The following GIMD1 variants were observed in gnomAD, a reference collection of about 807,000 sequenced individuals.
GIMD1 encodes the protein GTPase IMAP family member GIMD1.
A neutral mutation model predicts 14.9 loss-of-function variants in GIMD1; 14 were observed. The observed-to-expected ratio is 0.94, with a 90% CI of 0.62 to 1.47. The LOEUF is 1.47. Ranked by LOEUF, GIMD1 falls within the 40% of genes most tolerant of loss-of-function variation. The probability of loss-of-function intolerance (pLI) is 0.00; values close to 1 mark genes in which losing one functional copy is unlikely to be tolerated. For missense variants in GIMD1, 272 were observed against 255.3 expected, an observed-to-expected ratio of 1.07 and a Z score of -0.44; for synonymous variants, 91 against 90.5, an observed-to-expected ratio of 1.01 and a Z score of -0.03.
chr4:106,358,403 A>G lies in GIMD1; in HGVS notation c.434T>C (p.Leu145Pro). ...TTCTATTTTTTCTGCATGGGTAAAA[A>G]GAATGGCTGTGTAATTCATCCAAGC... ...GHAWMNYTAI[L>P]FTHAEKIEEA... The change falls in exon 3 of 3, where the codon CTT becomes CCT. Residue 145 changes from leucine (L) to proline (P), a missense_variant. Coordinates refer to ENST00000638719, the MANE Select transcript of GIMD1 (RefSeq NM_001195138.2). 6.6e-7 allele frequency: 1 copy of G among 1,526,170 alleles called. No homozygotes were observed. The highest frequency in any genetic ancestry group is 1.4e-5 in the African/African-American group (1 of 72,252). 94.5% of individuals were successfully genotyped at this position (1,526,170 alleles called of 1,614,324 possible). A position where few individuals can be genotyped will look rare whatever the true frequency, so the allele number is the denominator to read the frequency against.
intron 2 of GIMD1, among the ~76,000 whole-genome samples, chr4:106,360,476 T>C (rs966512795): frequency 6.6e-6 from 1 of 152,038 alleles, no homozygotes; most frequent in Non-Finnish European, 1.5e-5. Context: ...TAGAGTTTGT[T>C]GTATATTCTG....
At chr4:106,363,557 G>C (rs1328579994) in intron 2 of GIMD1, among the ~76,000 whole-genome samples, 1 of 152,022 alleles carries the variant, frequency 6.6e-6, no homozygotes, top group Non-Finnish European at 1.5e-5. Flanking sequence ...GCACAATGCT[G>C]AGCATGATGT....
chr4:106,357,974 G>A lies in GIMD1; in HGVS notation c.*209C>T, dbSNP rs1023555571. The A allele has an allele frequency of 1.6e-5, 7 of 450,966 alleles. No individual in the cohort carries two copies. Among genetic ancestry groups the A allele is most frequent in the Non-Finnish European group, 2.8e-5 (7 of 253,234 alleles). 27.9% of individuals were successfully genotyped at this position (450,966 alleles called of 1,614,324 possible). A position where few individuals can be genotyped will look rare whatever the true frequency, so the allele number is the denominator to read the frequency against. ...TTATGTTGGGTATACACTTAGGAGT[G>A]TAATTGCTATGTCATGGGATTTGCA... is the stretch of plus-strand genomic sequence containing the variant. On this transcript the variant is annotated 3_prime_UTR_variant, in exon 3 of 3. Coordinates refer to ENST00000638719, the MANE Select transcript of GIMD1 (RefSeq NM_001195138.2).
At chr4:106,363,888 G>T (rs60364855) in intron 2 of GIMD1, among the ~76,000 whole-genome samples, 7 of 140,522 alleles carry the variant, frequency 5.0e-5, no homozygotes, top group Admixed American at 7.2e-5. Flanking sequence ...CATAATGGGG[G>T]GGGGGGGGCG....
chr4:106,360,229 C>A (rs1316453182), intron 2 of GIMD1, among the ~76,000 whole-genome samples: 2 of 151,708 alleles, frequency 1.3e-5, no homozygotes. Flanking sequence ...GGAATAGGCC[C>A]AAACTTTTTC....
chr4:106,366,414 A>G (rs955289763), intron 2 of GIMD1, among the ~76,000 whole-genome samples: 2 of 152,086 alleles, frequency 1.3e-5, no homozygotes, highest in African/African-American at 4.8e-5. Flanking sequence ...TGTCTCATTT[A>G]CCAGTAATTA....
At chr4:106,361,310 G>C (rs1770609990) in intron 2 of GIMD1, among the ~76,000 whole-genome samples, 1 of 151,976 alleles carries the variant, frequency 6.6e-6, no homozygotes, top group Non-Finnish European at 1.5e-5. Context: ...TGTTTCAATT[G>C]CAAGTGTGAT....
Position 106,357,852 on chromosome 4 carries a change from T to G in GIMD1, c.*331A>C. The G allele has an allele frequency of 5.9e-6, 1 of 169,046 alleles. No individual in the cohort carries two copies. Among genetic ancestry groups the G allele is most frequent in the Non-Finnish European group, 1.3e-5 (1 of 78,740 alleles). 10.5% of individuals were successfully genotyped at this position (169,046 alleles called of 1,614,324 possible). A position where few individuals can be genotyped will look rare whatever the true frequency, so the allele number is the denominator to read the frequency against. Reference sequence around the variant, plus strand: ...ACAATTTACTTAACCATTCTAATATTAATAGACATTTGAATAGTCTGTATG... The same window carrying G: ...ACAATTTACTTAACCATTCTAATATGAATAGACATTTGAATAGTCTGTATG... On this transcript the variant is annotated 3_prime_UTR_variant, in exon 3 of 3. Transcript: ENST00000638719.
intron 2 of GIMD1, among the ~76,000 whole-genome samples, chr4:106,362,506 G>T (rs998596352): frequency 2.2e-4 from 34 of 152,146 alleles, no homozygotes; most frequent in Non-Finnish European, 4.3e-4. Context: ...GTGCTAATGG[G>T]TATGAGTCCA....
At chr4:106,368,363 G>A (rs888888986) in intron 1 of GIMD1, among the ~76,000 whole-genome samples, 13 of 152,038 alleles carry the variant, frequency 8.6e-5, no homozygotes, top group African/African-American at 2.9e-4. Context: ...AACTGCCCAC[G>A]CTACCAATTC....
chr4:106,367,622 AT>A (rs899254362), intron 1 of GIMD1, among the ~76,000 whole-genome samples, 185 bp from the exon 2 acceptor site: 2 of 152,172 alleles, frequency 1.3e-5, no homozygotes, highest in Non-Finnish European at 2.9e-5. Context: ...ACAGAAGGGA[AT>A]GTGGAATAAT....
At chr4:106,367,776 T>C (rs1770727325) in intron 1 of GIMD1, among the ~76,000 whole-genome samples, 1 of 152,148 alleles carries the variant, frequency 6.6e-6, no homozygotes, top group Admixed American at 6.5e-5. Context: ...GTAGGTGAGT[T>C]GGTTTAGGAA....
intron 1 of GIMD1, among the ~76,000 whole-genome samples, chr4:106,367,752 A>G (rs1934460726): frequency 1.3e-5 from 2 of 152,342 alleles, no homozygotes; most frequent in South Asian, 4.1e-4. Context: ...GAAATATGTT[A>G]ACTCATCAAT....
In GIMD1 at chr4:106,357,649, A is replaced by C. The variant is rs1008447198; in HGVS notation, c.*534T>G. On this transcript the variant is annotated 3_prime_UTR_variant, in exon 3 of 3. Transcript: ENST00000638719. Reference sequence around the variant, plus strand: ...AGCACTTCTACCATCAGAGTAGTTTAGATTACATTTGTTTTACTGTTTTTG... The same window carrying C: ...AGCACTTCTACCATCAGAGTAGTTTCGATTACATTTGTTTTACTGTTTTTG... The C allele has an allele frequency of 1.3e-5, 2 of 152,242 alleles. No individual in the cohort carries two copies. Among genetic ancestry groups the C allele is most frequent in the African/African-American group, 4.8e-5 (2 of 41,432 alleles). The allele number at this position is 152,242 out of a possible 1,614,324, so 9.4% of individuals were successfully genotyped here. A position where few individuals can be genotyped will look rare whatever the true frequency, so the allele number is the denominator to read the frequency against.
intron 2 of GIMD1, among the ~76,000 whole-genome samples, chr4:106,358,965 G>T (rs1770575754): frequency 6.6e-6 from 1 of 151,912 alleles, no homozygotes; most frequent in South Asian, 2.1e-4. Context: ...TACATTTGGT[G>T]ATTTGGACGA....
In GIMD1 at chr4:106,368,557, C is replaced by G. The variant is rs576661595; in HGVS notation, c.-3+153G>C. 3.9e-5 allele frequency among the ~76,000 whole-genome samples: 6 copies of G among 152,258 alleles called. No homozygotes were observed. In the South Asian group the frequency reaches 8.3e-4, roughly 21 times the overall value. ...CCTCCATAAAAAGACACTCATTTTG[C>G]GGGTCCCTCCAGTTCACACCAGCTC... On this transcript the variant is annotated intron_variant, in intron 1 of 2. Transcript: ENST00000638719.
intron 2 of GIMD1, among the ~76,000 whole-genome samples, chr4:106,360,061 T>A (rs73839454): frequency 0.018 from 2,781 of 152,112 alleles, 83 homozygotes; most frequent in African/African-American, 0.061. Context: ...TAGACCCTCA[T>A]TGTCATCTCA....
intron 2 of GIMD1, among the ~76,000 whole-genome samples, chr4:106,362,374 G>GA (rs1327153215): frequency 3.3e-5 from 5 of 152,014 alleles, no homozygotes; most frequent in African/African-American, 1.2e-4. Context: ...ACAGTTGATT[G>GA]ATACCTCACA....
At chr4:106,359,247 T>C (rs1161681982) in intron 2 of GIMD1, among the ~76,000 whole-genome samples, 1 of 151,958 alleles carries the variant, frequency 6.6e-6, no homozygotes, top group Non-Finnish European at 1.5e-5. Context: ...TTGGGATATT[T>C]CTAAAGTTAC....
Sources: allele counts gnomAD v4.1 joint callset (sites outside exome capture counted in the v4.1 genomes callset), GRCh38; gene constraint gnomAD v4.1.1; transcripts MANE v1.5; gene names NCBI Gene and HGNC (gene_info 2026-07-23, HGNC 2026-07-21).